SYNE2: variants seen among roughly 807,000 people sequenced by gnomAD.
The protein encoded by SYNE2 is spectrin repeat containing nuclear envelope protein 2.
SYNE2 carries 431 observed loss-of-function variants against 856.3 expected under a neutral mutation model. The observed-to-expected ratio is 0.50, with a 90% CI of 0.47 to 0.55. The LOEUF (loss-of-function observed/expected upper bound fraction) is 0.55, where lower values mean the gene tolerates loss of function less well. Ranked by LOEUF, SYNE2 falls within the 20% of genes least tolerant of loss-of-function variation. The pLI is 0.00. For missense variants in SYNE2, 8,129 were observed against 8,023.2 expected (o/e 1.01, Z -0.50); for synonymous variants, 2,923 against 2,872.3 (o/e 1.02, Z -0.56).
intron 6 of SYNE2, among the ~76,000 whole-genome samples, chr14:63,948,678 A>ATATATATGTGTGTATATATATATATATG (rs2096075946): frequency 7.2e-6 from 1 of 138,684 alleles, no homozygotes; most frequent in Non-Finnish European, 1.6e-5. Context: ...AAAAAATTAT[A>ATATATATGTGTGTATATATATATATATG]TATATATGTG....
At chr14:63,945,215 A>C (rs1474249713) in intron 6 of SYNE2, among the ~76,000 whole-genome samples, 1 of 151,416 alleles carries the variant, frequency 6.6e-6, no homozygotes, top group Non-Finnish European at 1.5e-5. Flanking sequence ...AGTTTGATGA[A>C]TATTTATAAA....
At chr14:63,828,736 AT>A (rs2139888523) in intron 1 of SYNE2, among the ~76,000 whole-genome samples, 1 of 152,034 alleles carries the variant, frequency 6.6e-6, no homozygotes, top group African/African-American at 2.4e-5. Context: ...ATCTCAAAAA[AT>A]AAATAAATAA....
chr14:64,209,449 G>A lies in SYNE2; in HGVS notation c.18411G>A (p.Leu6137=), dbSNP rs1159954859. ...TCAGAATCGAGGAGACGTGGCGCCT[G>A]TGGCAGAAGTTTTTAGACGACTATT... ...RRMKIEETWR[L]WQKFLDDYSR... is the part of the protein sequence containing the mutation. Residue 6137 remains leucine, a synonymous_variant, in exon 102 of 116, where the codon CTG becomes CTA. Coordinates refer to ENST00000555002, the MANE Select transcript of SYNE2 (RefSeq NM_182914.3). 6.2e-7 allele frequency: 1 copy of A among 1,614,260 alleles called. No homozygotes were observed. The highest frequency in any genetic ancestry group is 8.5e-7 in the Non-Finnish European group (1 of 1,180,048).
chr14:64,083,666 T>C (rs2097540101), intron 57 of SYNE2, among the ~76,000 whole-genome samples: 1 of 152,240 alleles, frequency 6.6e-6, no homozygotes, highest in South Asian at 2.1e-4. Flanking sequence ...AATCCTCATT[T>C]GTGCAATAAT....
In SYNE2 at chr14:64,017,682, G is replaced by C. The variant is rs1024313119; in HGVS notation, c.4975G>C (p.Asp1659His). Reference sequence around the variant, plus strand: ...ACTTTTTAACTTAAAAAATGTCATTGATGAGTGGACAGAAAAGGCCCTTCA... The same window carrying C: ...ACTTTTTAACTTAAAAAATGTCATTCATGAGTGGACAGAAAAGGCCCTTCA... ...DKLFNLKNVI[D>H]EWTEKALQKM... The change falls in exon 34 of 116, where the codon GAT becomes CAT. Residue 1659 changes from aspartate (D) to histidine (H), a missense_variant. Asp to His is a moderately conservative substitution (Grantham distance 81). Coordinates refer to ENST00000555002, the MANE Select transcript of SYNE2 (RefSeq NM_182914.3). 3.1e-6 allele frequency: 5 copies of C among 1,613,572 alleles called. No individual in the cohort carries two copies. In the Admixed American group the frequency reaches 8.3e-5, roughly 27 times the overall value.
Position 63,909,243 on chromosome 14 carries a change from T to G in SYNE2, c.79+16T>G, listed in dbSNP as rs534028957. 4 of 1,585,484 alleles carry G rather than the reference T, an allele frequency of 2.5e-6. No individual in the cohort carries two copies. The Admixed American group carries it at 6.7e-5, about 27-fold the overall frequency. On this transcript the variant is annotated intron_variant, in intron 2 of 115. Transcript: ENST00000555002. ...TCATTGCAAGGTAATTAAGATTGGGTGGGGGTAACACCCACAGAAACTGGG... is the reference window on the plus strand; with the variant it reads ...TCATTGCAAGGTAATTAAGATTGGGGGGGGGTAACACCCACAGAAACTGGG...
chr14:63,978,346 T>G (rs2096560343), intron 13 of SYNE2, among the ~76,000 whole-genome samples: 2 of 152,158 alleles, frequency 1.3e-5, no homozygotes, highest in Admixed American at 6.6e-5. Context: ...TGTCCAGGTC[T>G]CACCAGGAAA....
intron 32 of SYNE2, among the ~76,000 whole-genome samples, chr14:64,015,009 ATG>A (rs2096880232): frequency 7.0e-6 from 1 of 143,586 alleles, no homozygotes; most frequent in Non-Finnish European, 1.5e-5. Context: ...AAATATATAT[ATG>A]TGTATATATG....
At chr14:63,843,214 C>CGTGT (rs148435919) in intron 1 of SYNE2, among the ~76,000 whole-genome samples, 4 of 150,326 alleles carry the variant, frequency 2.7e-5, no homozygotes, top group Admixed American at 6.7e-5. Flanking sequence ...TTTTTATGCC[C>CGTGT]GTGTGTGTGT....
intron 83 of SYNE2, among the ~76,000 whole-genome samples, chr14:64,145,214 A>G (rs374387369): frequency 6.6e-6 from 1 of 150,988 alleles, no homozygotes; most frequent in African/African-American, 2.5e-5. Context: ...GGTAAGAGCC[A>G]CCACGCCTGG....
In SYNE2 at chr14:64,120,924, C is replaced by T. The variant is rs1422721522; in HGVS notation, c.13024-3C>T. 6.2e-7 allele frequency: 1 copy of T among 1,613,888 alleles called. No homozygotes were observed. Among genetic ancestry groups the T allele is most frequent in the Admixed American group, 1.7e-5 (1 of 60,004 alleles). Reference sequence around the variant, plus strand: ...TAGCCTGCCATTATGAAATGTTTTGCAGCATCCTACCATTCTAAAGAAATC... The same window carrying T: ...TAGCCTGCCATTATGAAATGTTTTGTAGCATCCTACCATTCTAAAGAAATC... On this transcript the variant is annotated splice_region_variant and splice_polypyrimidine_tract_variant and intron_variant, in intron 67 of 115. Transcript: ENST00000555002.
chr14:64,175,261 G>T (rs1418533050), intron 95 of SYNE2, 123 bp downstream of exon 95: 2 of 1,099,200 alleles, frequency 1.8e-6, no homozygotes, highest in Non-Finnish European at 2.6e-6. Flanking sequence ...AACTCAAGCT[G>T]TAATCTGTAA....
rs771726009 is a variant in SYNE2 at position 63,990,408 on chromosome 14, T to C, written c.2314-3T>C. 1 of 1,612,230 alleles carries C rather than the reference T, an allele frequency of 6.2e-7. No individual in the cohort carries two copies. The highest frequency in any genetic ancestry group is 1.7e-5 in the Admixed American group (1 of 60,012). Reference sequence around the variant, plus strand: ...GTGATCTCACTTCAATTTGTTTTAATAGCATCTTATTGCCAAAGGCTCTAT... The same window carrying C: ...GTGATCTCACTTCAATTTGTTTTAACAGCATCTTATTGCCAAAGGCTCTAT... On this transcript the variant is annotated splice_region_variant and splice_polypyrimidine_tract_variant and intron_variant, in intron 19 of 115. Transcript: ENST00000555002.
intron 2 of SYNE2, among the ~76,000 whole-genome samples, chr14:63,921,545 A>G (rs1300631658): frequency 6.6e-6 from 1 of 152,200 alleles, no homozygotes; most frequent in Non-Finnish European, 1.5e-5. Context: ...TGGACCCCAG[A>G]GAAGGAGAGT....
Position 64,021,468 on chromosome 14 carries a change from A to G in SYNE2, c.5305A>G (p.Lys1769Glu). ...TQIGMTESLL[K>E]ALSPSDSLEI... ...GATCGGGATGACTGAATCCCTCTTA[A>G]AAGCCCTGTCTCCTTCTGACAGCTT... Residue 1769 changes from lysine to glutamate, a missense_variant, in exon 36 of 116, where the codon AAA (lysine) becomes GAA (glutamate). Coordinates refer to ENST00000555002, the MANE Select transcript of SYNE2 (RefSeq NM_182914.3). The G allele has an allele frequency of 1.2e-6, 2 of 1,614,124 alleles. No homozygotes were observed. The highest frequency in any genetic ancestry group is 1.7e-6 in the Non-Finnish European group (2 of 1,180,014).
intron 1 of SYNE2, among the ~76,000 whole-genome samples, chr14:63,896,075 T>G (rs2095247795): frequency 6.6e-6 from 1 of 152,180 alleles, no homozygotes. Flanking sequence ...TTCTATAAAG[T>G]CATTTGTAGT....
intron 92 of SYNE2, among the ~76,000 whole-genome samples, chr14:64,168,229 G>A (rs1194759383): frequency 5.3e-5 from 8 of 152,086 alleles, no homozygotes; most frequent in African/African-American, 9.7e-5. Context: ...TTACCCTTCC[G>A]AGTAGCTGGG....
intron 101 of SYNE2, chr14:64,209,147 G>C: frequency 1.2e-6 from 1 of 864,864 alleles, no homozygotes; most frequent in South Asian, 1.6e-5. Flanking sequence ...TCCTGTGTGG[G>C]GTGTGGCTGT....
chr14:63,818,841 G>T (rs1009500324), intron 1 of SYNE2, among the ~76,000 whole-genome samples: 4 of 151,424 alleles, frequency 2.6e-5, no homozygotes, highest in African/African-American at 9.7e-5. Context: ...TGGTAATACA[G>T]GCACCCGCCA....
Sources: allele counts gnomAD v4.1 joint callset (sites outside exome capture counted in the v4.1 genomes callset), GRCh38; gene constraint gnomAD v4.1.1; transcripts MANE v1.5; gene names NCBI Gene and HGNC (gene_info 2026-07-23, HGNC 2026-07-21).